Variants in DUSP15 observed in about 807,000 individuals in gnomAD.
The protein encoded by DUSP15 is dual specificity protein phosphatase 15.
A neutral mutation model predicts 26.3 loss-of-function variants in DUSP15; 23 were observed. The ratio of observed to expected loss-of-function variants is 0.87; its 90% CI spans 0.63 to 1.24. The LOEUF is 1.24. DUSP15 is among the 50% of genes most tolerant of loss of function. The pLI is 0.00. For missense variants in DUSP15, 364 were observed against 320.6 expected, an observed-to-expected ratio of 1.14 and a Z score of -1.03; for synonymous variants, 143 against 135.5, an observed-to-expected ratio of 1.06 and a Z score of -0.39.
chr20:31,853,077 TCTCCCTCCTTTTCCCTTTCCTTTCC>T (rs1948372230), intron 6 of DUSP15, among the ~76,000 whole-genome samples: 1 of 152,080 alleles, frequency 6.6e-6, no homozygotes, highest in Non-Finnish European at 1.5e-5. Context: ...TTGCCCTCTC[TCTCCCTCCTTTTCCCTTTCCTTTCC>T]CTCCCTCCCT....
downstream of DUSP15, among the ~76,000 whole-genome samples, chr20:31,860,907 G>A (rs1424023499): frequency 1.3e-5 from 2 of 152,198 alleles, no homozygotes; most frequent in Non-Finnish European, 2.9e-5. Flanking sequence ...AGGCAACTCC[G>A]CAGACTGCAG....
chr20:31,848,499 C>A, exon 10 of DUSP15: 1 of 1,610,680 alleles, frequency 6.2e-7, no homozygotes, highest in Non-Finnish European at 8.5e-7. Flanking sequence ...GTTGAGGACC[C>A]ATCTGGGCGC....
intron 8 of DUSP15, among the ~76,000 whole-genome samples, chr20:31,849,302 C>T (rs2062422546): frequency 6.6e-6 from 1 of 152,110 alleles, no homozygotes; most frequent in Non-Finnish European, 1.5e-5. Flanking sequence ...ACCCCATATA[C>T]GCCTGTATCC....
chr20:31,869,454 C>G lies in DUSP15; in HGVS notation c.55+110G>C, dbSNP rs984406206. Reference sequence around the variant, plus strand: ...TCCCCCTCCCAGCCTGGGGCCGCTTCCCTGCCCCCAACCCCATTCCTGAGA... The same window carrying G: ...TCCCCCTCCCAGCCTGGGGCCGCTTGCCTGCCCCCAACCCCATTCCTGAGA... On this transcript the variant is annotated intron_variant, in intron 2 of 6. Coordinates refer to ENST00000339738, the MANE Select transcript of DUSP15 (RefSeq NM_080611.5). 2.8e-6 allele frequency: 4 copies of G among 1,441,608 alleles called. No homozygotes were observed. The African/African-American group carries it at 5.6e-5, about 20-fold the overall frequency. 89.3% of individuals were successfully genotyped at this position (1,441,608 alleles called of 1,614,324 possible).
chr20:31,866,916 A>C (rs1382143423), intron 3 of DUSP15, among the ~76,000 whole-genome samples, 155 bp downstream of exon 3: 1 of 152,202 alleles, frequency 6.6e-6, no homozygotes, highest in Non-Finnish European at 1.5e-5. Flanking sequence ...CAACTGCCAA[A>C]TAGGGATGAT....
upstream of DUSP15, chr20:31,870,576 C>G (rs762241216): frequency 3.4e-5 from 49 of 1,453,804 alleles, no homozygotes; most frequent in Non-Finnish European, 4.3e-5. This position sits in a 1 kb window ranked among gnomAD's most constrained non-coding sequence, Gnocchi z 6.6. Flanking sequence ...CTCCTCCTAC[C>G]CCTTCGGTCA....
At chr20:31,849,021 T>G in intron 8 of DUSP15, 1 of 781,674 alleles carries the variant, frequency 1.3e-6, no homozygotes, top group East Asian at 2.7e-5. Flanking sequence ...TAAGCCCACA[T>G]CCCATTGTGT....
chr20:31,848,719 G>A (rs1160103316), intron 9 of DUSP15: 2 of 1,496,120 alleles, frequency 1.3e-6, no homozygotes, highest in South Asian at 1.3e-5. Context: ...GTCAGAGGCA[G>A]AGCTGGGACT....
chr20:31,860,573 G>C (rs2062628209), downstream of DUSP15, among the ~76,000 whole-genome samples: 1 of 152,208 alleles, frequency 6.6e-6, no homozygotes, highest in Non-Finnish European at 1.5e-5. Flanking sequence ...GACTGACTAA[G>C]CTAGCGTCCA....
Position 31,849,521 on chromosome 20 carries a change from T to C in DUSP15, c.628+217A>G, listed in dbSNP as rs769829023. 10 of 817,516 alleles carry C rather than the reference T, an allele frequency of 1.2e-5. No homozygotes were observed. The African/African-American group carries it at 1.5e-4, about 12-fold the overall frequency. The allele number at this position is 817,516 out of a possible 1,614,324, so 50.6% of individuals were successfully genotyped here. ...CCGTTCCCACGCCACTCTGTTCCAC[T>C]CCTCCAGCCGTCCTACCGCCTGGAG... On this transcript the variant is annotated intron_variant, in intron 8 of 9. Coordinates refer to the DUSP15 transcript ENST00000278979.
rs192050626 is a variant in DUSP15 at position 31,851,480 on chromosome 20, T to C, written c.427-804A>G. 2.4e-4 allele frequency among the ~76,000 whole-genome samples: 36 copies of C among 151,536 alleles called. No individual in the cohort carries two copies. In the East Asian group the frequency reaches 6.2e-3, roughly 26 times the overall value. On this transcript the variant is annotated intron_variant, in intron 6 of 9. Transcript: ENST00000278979. ...GACCCAAGGAGGACAAAGGAATGAA[T>C]GTGGAGAAGATGGGGTGGCTGCAGA...
chr20:31,849,077 T>A (rs2062417825), intron 8 of DUSP15, among the ~76,000 whole-genome samples: 1 of 152,042 alleles, frequency 6.6e-6, no homozygotes, highest in Admixed American at 6.5e-5. Flanking sequence ...CTGTCCCATG[T>A]CCCACATCTG....
In DUSP15 at chr20:31,864,512, T is replaced by C. The variant is rs113438208; in HGVS notation, c.188+441A>G. 1.0e-3 allele frequency: 988 copies of C among 964,046 alleles called. 6 individuals are homozygous for C. In the African/African-American group the frequency reaches 0.016, roughly 16 times the overall value. The allele number at this position is 964,046 out of a possible 1,614,324, so 59.7% of individuals were successfully genotyped here. The stretch of plus-strand genomic sequence containing the variant: ...TATCCTAGATCCTTGACCTGTGTCA[T>C]CTGATCTTCGAAAGCCTCCTTGACT... On this transcript the variant is annotated intron_variant, in intron 4 of 6. Transcript: ENST00000339738.
chr20:31,868,971 C>T (rs139325419), intron 2 of DUSP15, among the ~76,000 whole-genome samples: 1 of 152,208 alleles, frequency 6.6e-6, no homozygotes. Context: ...CACCGCCCCC[C>T]CAACTTCCAG....
intron 3 of DUSP15, 49 bp from the exon 4 acceptor site, chr20:31,865,051 C>T (rs2062737703): frequency 1.2e-6 from 2 of 1,606,808 alleles, no homozygotes; most frequent in African/African-American, 1.3e-5. Flanking sequence ...TGCAACCCTC[C>T]CTGATGCTGG....
chr20:31,859,119 C>T (rs964408927), downstream of DUSP15, among the ~76,000 whole-genome samples: 26 of 152,126 alleles, frequency 1.7e-4, no homozygotes, highest in African/African-American at 6.3e-4. Context: ...CTAACAAGGT[C>T]ACAGAGCTAG....
exon 10 of DUSP15, chr20:31,848,323 G>T: frequency 6.9e-7 from 1 of 1,457,026 alleles, no homozygotes; most frequent in Non-Finnish European, 9.2e-7. Context: ...TGGGTGATGT[G>T]CCGGGGGAGG....
chr20:31,848,060 C>T lies in DUSP15; in HGVS notation c.*344G>A, dbSNP rs2123162640. 8.6e-6 allele frequency: 2 copies of T among 232,884 alleles called. 1 individual carries two copies. Among genetic ancestry groups the T allele is most frequent in the South Asian group, 2.2e-4 (2 of 9,246 alleles). 14.4% of individuals were successfully genotyped at this position (232,884 alleles called of 1,614,324 possible). On this transcript the variant is annotated 3_prime_UTR_variant, in exon 10 of 10. Transcript: ENST00000278979. ...TCTAATTATTGGTAAAAACTTTAAG[C>T]AAACGTTTTAATGGACTCAACAGCA...
rs1169944600 is a variant in DUSP15, at chr20:31,861,214, C to G, written c.*189G>C. The G allele has an allele frequency of 7.4e-7, 1 of 1,352,666 alleles. No homozygotes were observed. The highest frequency in any genetic ancestry group is 9.4e-7 in the Non-Finnish European group (1 of 1,059,126). 83.8% of individuals were successfully genotyped at this position (1,352,666 alleles called of 1,614,324 possible). ...ACCAGGTGGCTGCAGCAGGCCGGCC[C>G]GGACACAGAGACGCACAGGTTGGGG... On this transcript the variant is annotated 3_prime_UTR_variant, in exon 7 of 7. Transcript: ENST00000339738.
Sources: allele counts gnomAD v4.1 joint callset (sites outside exome capture counted in the v4.1 genomes callset), GRCh38; gene constraint gnomAD v4.1.1; non-coding constraint Gnocchi (gnomAD v3.1); transcripts MANE v1.5; gene names NCBI Gene and HGNC (gene_info 2026-07-23, HGNC 2026-07-21).